The following PPARGC1B variants were observed in gnomAD, a reference collection of about 807,000 sequenced individuals.
The protein encoded by PPARGC1B is peroxisome proliferator-activated receptor gamma coactivator 1-beta.
A neutral mutation model predicts 101.6 loss-of-function variants in PPARGC1B; 34 were observed. The ratio of observed to expected loss-of-function variants is 0.33; its 90% CI spans 0.25 to 0.45. The LOEUF is 0.45. Ranked by LOEUF, PPARGC1B falls within the 20% of genes least tolerant of loss-of-function variation. PPARGC1B has a pLI of 1.00. For missense variants in PPARGC1B, 1,234 were observed against 1,317.6 expected, an observed-to-expected ratio of 0.94 and a Z score of 0.98; for synonymous variants, 548 against 539.3, an observed-to-expected ratio of 1.02 and a Z score of -0.22.
intron 2 of PPARGC1B, among the ~76,000 whole-genome samples, chr5:149,824,217 C>T (rs958995513): frequency 5.3e-5 from 8 of 152,156 alleles, no homozygotes; most frequent in African/African-American, 4.8e-5. Context: ...TGATAATTCA[C>T]AATATCTCTG....
At chr5:149,814,866 G>A (rs1411165292) in intron 1 of PPARGC1B, among the ~76,000 whole-genome samples, 1 of 152,212 alleles carries the variant, frequency 6.6e-6, no homozygotes, top group Non-Finnish European at 1.5e-5. Context: ...CTGGAGAAGG[G>A]GGGCCCACGG....
At chr5:149,773,628 A>G (rs1756233145) in intron 1 of PPARGC1B, among the ~76,000 whole-genome samples, 1 of 152,236 alleles carries the variant, frequency 6.6e-6, no homozygotes, top group African/African-American at 2.4e-5. Flanking sequence ...CACATATCCA[A>G]ATCAGTGTGT....
chr5:149,827,323 T>G (rs1251395100), intron 3 of PPARGC1B, among the ~76,000 whole-genome samples: 5 of 152,364 alleles, frequency 3.3e-5, no homozygotes, highest in Admixed American at 2.6e-4. Context: ...GACTTTCCTC[T>G]TCTACCTTTT....
chr5:149,795,664 C>T (rs61355973), intron 1 of PPARGC1B, among the ~76,000 whole-genome samples: 1 of 152,122 alleles, frequency 6.6e-6, no homozygotes, highest in Non-Finnish European at 1.5e-5. Flanking sequence ...AGGGCGGCAG[C>T]TTCTGAGCGG....
At chr5:149,847,236 A>G in intron 11 of PPARGC1B, 1 of 680,368 alleles carries the variant, frequency 1.5e-6, no homozygotes, top group Non-Finnish European at 2.7e-6. Flanking sequence ...CCAGGTCTCT[A>G]GATAGGACAG....
intron 1 of PPARGC1B, among the ~76,000 whole-genome samples, chr5:149,809,844 C>T (rs561102177): frequency 4.6e-5 from 7 of 151,948 alleles, no homozygotes; most frequent in South Asian, 2.1e-4. Flanking sequence ...AGGCCAGAGA[C>T]GGGATGGCCA....
At chr5:149,802,693 C>G (rs1387709949) in intron 1 of PPARGC1B, among the ~76,000 whole-genome samples, 1 of 151,428 alleles carries the variant, frequency 6.6e-6, no homozygotes, top group Non-Finnish European at 1.5e-5. Context: ...GATGGGGCAG[C>G]TGGGGCTGGG....
chr5:149,764,440 C>T (rs1425024342), intron 1 of PPARGC1B, among the ~76,000 whole-genome samples: 1 of 152,162 alleles, frequency 6.6e-6, no homozygotes, highest in African/African-American at 2.4e-5. Context: ...CTTAGTGGTT[C>T]AAGAGAAAGT....
intron 1 of PPARGC1B, among the ~76,000 whole-genome samples, chr5:149,806,491 C>T (rs1435171770): frequency 1.3e-5 from 2 of 152,212 alleles, no homozygotes; most frequent in Non-Finnish European, 1.5e-5. Flanking sequence ...TCGGTCTCTC[C>T]TGCCAGCCAG....
chr5:149,847,703 T>G lies in PPARGC1B; in HGVS notation c.*145T>G. On this transcript the variant is annotated 3_prime_UTR_variant, in exon 12 of 12. Transcript: ENST00000309241. Reference sequence around the variant, plus strand: ...GAGAGAGACTTGAAACTGCTGTCCTTTAAAAAAAAAAAAAATCAATGTTTA... The same window carrying G: ...GAGAGAGACTTGAAACTGCTGTCCTGTAAAAAAAAAAAAAATCAATGTTTA... The G allele has an allele frequency of 1.6e-6, 1 of 611,560 alleles. No individual in the cohort carries two copies. The highest frequency in any genetic ancestry group is 2.9e-6 in the Non-Finnish European group (1 of 346,816). The allele number at this position is 611,560 out of a possible 1,614,324, so 37.9% of individuals were successfully genotyped here.
chr5:149,746,554 T>C (rs1487862074), intron 1 of PPARGC1B, among the ~76,000 whole-genome samples: 1 of 152,250 alleles, frequency 6.6e-6, no homozygotes, highest in Non-Finnish European at 1.5e-5. Flanking sequence ...GATGGTGCTA[T>C]GAACATGGGT....
At chr5:149,816,746 C>A (rs1758069293) in intron 1 of PPARGC1B, among the ~76,000 whole-genome samples, 1 of 152,208 alleles carries the variant, frequency 6.6e-6, no homozygotes, top group South Asian at 2.1e-4. Context: ...GATCTTATTG[C>A]TGGGGGCTTT....
At chr5:149,744,680 A>T (rs6892990) in intron 1 of PPARGC1B, among the ~76,000 whole-genome samples, 123,799 of 152,244 alleles carry the variant, frequency 0.81, 50,451 homozygotes, top group South Asian at 0.89. Context: ...TCCTTGATGA[A>T]GCCAGATGAA....
chr5:149,784,330 G>A (rs1303018947), intron 1 of PPARGC1B, among the ~76,000 whole-genome samples: 3 of 151,848 alleles, frequency 2.0e-5, no homozygotes, highest in African/African-American at 7.3e-5. Flanking sequence ...GGCCTGTGAA[G>A]CAGCCACCTC....
chr5:149,826,721 G>A lies in PPARGC1B; in HGVS notation c.301G>A (p.Asp101Asn). 1.2e-6 allele frequency: 2 copies of A among 1,613,910 alleles called. No individual in the cohort carries two copies. The highest frequency in any genetic ancestry group is 1.7e-6 in the Non-Finnish European group (2 of 1,179,960). ...CCTGGCAGAGCTCACCAAGACCCTG[G>A]ATGACATCCCTGAAGATGACGTGGG... ...ALLAELTKTL[D>N]DIPEDDVGLA... The change falls in exon 3 of 12, where the codon GAT becomes AAT. Residue 101 changes from aspartate (D) to asparagine (N), a missense_variant. Asp to Asn is a conservative substitution (Grantham distance 23). Around this residue, in one of 3 missense-constraint regions of PPARGC1B, gnomAD observed 734 missense variants for 768.4 expected, o/e 0.96. Transcript: ENST00000309241.
intron 1 of PPARGC1B, chr5:149,772,245 A>G: frequency 1.3e-6 from 2 of 1,561,806 alleles, no homozygotes. Flanking sequence ...GGTGTTGGGT[A>G]GACACATGGT....
chr5:149,732,708 G>A (rs1561843118), intron 1 of PPARGC1B: 2 of 437,586 alleles, frequency 4.6e-6, no homozygotes, highest in Non-Finnish European at 4.7e-6. Context: ...GAGCCCAGCC[G>A]GAAGAGGACC....
chr5:149,812,035 A>G (rs1184140440), intron 1 of PPARGC1B, among the ~76,000 whole-genome samples: 1 of 152,190 alleles, frequency 6.6e-6, no homozygotes, highest in Non-Finnish European at 1.5e-5. Flanking sequence ...AGCCCTGACC[A>G]GGTACCTACT....
chr5:149,793,411 T>G (rs1757094828), intron 1 of PPARGC1B, among the ~76,000 whole-genome samples: 1 of 152,168 alleles, frequency 6.6e-6, no homozygotes, highest in Admixed American at 6.5e-5. Context: ...AAAATCCCAG[T>G]GTGCTGTTTA....
Sources: gnomAD v4.1 joint callset for allele counts (sites outside exome capture counted in the v4.1 genomes callset) on GRCh38, gnomAD v4.1.1 for gene constraint, gnomAD v4.1.1 regional missense constraint, MANE v1.5 for transcripts, NCBI Gene and HGNC (gene_info 2026-07-23, HGNC 2026-07-21) for gene names.